Variants in TMC1 observed in about 807,000 individuals in gnomAD.
The protein encoded by TMC1 is transmembrane channel-like protein 1.
In TMC1, 84 loss-of-function variants were observed where a neutral mutation model predicts 105.8. The observed-to-expected ratio is 0.79, with a 90% CI of 0.67 to 0.95. The LOEUF (loss-of-function observed/expected upper bound fraction) is 0.95. TMC1 is among the 40% of genes least tolerant of loss of function. The probability of loss-of-function intolerance (pLI) is 0.00; values close to 1 mark genes in which losing one functional copy is unlikely to be tolerated. For synonymous variants in TMC1, 315 were observed against 311.5 expected (o/e 1.01, Z -0.12); for missense variants, 817 against 914.1 (o/e 0.89, Z 1.37).
chr9:72,599,883 A>G (rs1409635382), intron 2 of TMC1, among the ~76,000 whole-genome samples: 3 of 152,236 alleles, frequency 2.0e-5, no homozygotes, highest in African/African-American at 7.2e-5. Context: ...AAGTTAAGCA[A>G]AAGTCTTGCT....
At chr9:72,817,533 G>A (rs1454761451) in intron 19 of TMC1, among the ~76,000 whole-genome samples, 4 of 152,182 alleles carry the variant, frequency 2.6e-5, no homozygotes, top group African/African-American at 9.7e-5. Flanking sequence ...GGCTATGGGA[G>A]TAATGAGAAA....
At chr9:72,733,678 C>A (rs1386094340) in intron 8 of TMC1, among the ~76,000 whole-genome samples, 1 of 152,090 alleles carries the variant, frequency 6.6e-6, no homozygotes, top group Non-Finnish European at 1.5e-5. Flanking sequence ...TGTCTTCCAC[C>A]ACACATTTAA....
intron 10 of TMC1, among the ~76,000 whole-genome samples, chr9:72,745,279 C>T (rs1409618187): frequency 6.6e-6 from 1 of 152,064 alleles, no homozygotes; most frequent in African/African-American, 2.4e-5. Context: ...AATAACTGTC[C>T]CAGAATTAGT....
chr9:72,634,552 A>G (rs953586092), intron 4 of TMC1, among the ~76,000 whole-genome samples: 4 of 152,186 alleles, frequency 2.6e-5, no homozygotes, highest in Non-Finnish European at 5.9e-5. Flanking sequence ...GACTGTTATC[A>G]TCTTTGTTTT....
At chr9:72,631,878 G>A (rs574978983) in intron 4 of TMC1, among the ~76,000 whole-genome samples, 22 of 152,204 alleles carry the variant, frequency 1.4e-4, no homozygotes, top group Non-Finnish European at 2.8e-4. Context: ...GCTACTAAAA[G>A]AGGGCAAGCC....
At chr9:72,773,552 C>T (rs1827964077) in intron 13 of TMC1, among the ~76,000 whole-genome samples, 1 of 152,128 alleles carries the variant, frequency 6.6e-6, no homozygotes, top group Non-Finnish European at 1.5e-5. Flanking sequence ...AGATATTTAT[C>T]AACCTGCTAA....
chr9:72,742,843 G>A (rs545205304), intron 10 of TMC1, among the ~76,000 whole-genome samples: 5 of 152,248 alleles, frequency 3.3e-5, no homozygotes, highest in Non-Finnish European at 4.4e-5. Flanking sequence ...CATCTTACTT[G>A]GAAGGCAGAG....
chr9:72,624,362 G>C (rs1825308963), intron 3 of TMC1, among the ~76,000 whole-genome samples: 1 of 152,144 alleles, frequency 6.6e-6, no homozygotes, highest in South Asian at 2.1e-4. Flanking sequence ...TGTGAGATCT[G>C]CTTTGTGTTT....
intron 18 of TMC1, among the ~76,000 whole-genome samples, chr9:72,808,595 C>T (rs571132331): frequency 1.3e-5 from 2 of 152,326 alleles, no homozygotes; most frequent in South Asian, 2.1e-4. Flanking sequence ...GTGTGAGTCA[C>T]GTAGCAGGCA....
At chr9:72,606,082 T>G (rs527634741) in intron 2 of TMC1, among the ~76,000 whole-genome samples, 1 of 152,220 alleles carries the variant, frequency 6.6e-6, no homozygotes, top group African/African-American at 2.4e-5. Flanking sequence ...GGGGCACAAT[T>G]TAGCCCATAG....
chr9:72,740,887 G>T (rs1190456261), intron 9 of TMC1, among the ~76,000 whole-genome samples: 1 of 151,814 alleles, frequency 6.6e-6, no homozygotes, highest in African/African-American at 2.4e-5. Context: ...GATTAATTTT[G>T]TCTGTTTCTA....
chr9:72,773,216 T>C (rs1023885516), intron 13 of TMC1, among the ~76,000 whole-genome samples: 13 of 152,202 alleles, frequency 8.5e-5, no homozygotes, highest in African/African-American at 3.1e-4. Context: ...TATTTGGGTT[T>C]ATATATTAAA....
In TMC1 at chr9:72,789,307, A is replaced by G. The variant is rs969922326; in HGVS notation, c.1214A>G (p.Glu405Gly). 5 of 1,613,322 alleles carry G rather than the reference A, an allele frequency of 3.1e-6. No homozygotes were observed. The African/African-American group carries it at 4.0e-5, about 13-fold the overall frequency. ...QQDPDTLGWW[E>G]KNEMNMVMSL... ...GATCCTGACACCCTTGGGTGGTGGG[A>G]AAAAAATGAAGTTCGTCTCTGCATG... The change falls in exon 15 of 24, where the codon GAA (glutamate) becomes GGA (glycine). Residue 405 changes from glutamate to glycine, a missense_variant. Physicochemically the swap from Glu to Gly is moderately conservative, Grantham distance 98 (BLOSUM62 -2). Coordinates refer to ENST00000297784, the MANE Select transcript of TMC1 (RefSeq NM_138691.3).
chr9:72,690,211 A>G (rs1826441976), intron 6 of TMC1, among the ~76,000 whole-genome samples: 1 of 152,082 alleles, frequency 6.6e-6, no homozygotes, highest in Non-Finnish European at 1.5e-5. Context: ...TTTAACCTCA[A>G]TTGCATACTA....
At chr9:72,732,073 T>A (rs1588054652) in intron 8 of TMC1, among the ~76,000 whole-genome samples, 1 of 152,346 alleles carries the variant, frequency 6.6e-6, no homozygotes, top group East Asian at 1.9e-4. Context: ...ACAAAATTTA[T>A]TTTTATTACT....
At chr9:72,703,069 T>C (rs1206703011) in intron 8 of TMC1, among the ~76,000 whole-genome samples, 2 of 152,150 alleles carry the variant, frequency 1.3e-5, no homozygotes, top group Non-Finnish European at 1.5e-5. Context: ...ATTCACCATT[T>C]TAACCATGAA....
chr9:72,549,871 C>T lies in TMC1; in HGVS notation c.-428+27958C>T, dbSNP rs1056207036. On this transcript the variant is annotated intron_variant, in intron 1 of 23. Transcript: ENST00000297784. Reference sequence around the variant, plus strand: ...TCGTGATCCACCCACCTTGGCCTCCCGAAGTGCTGGGATTACAGATGTGAG... The same window carrying T: ...TCGTGATCCACCCACCTTGGCCTCCTGAAGTGCTGGGATTACAGATGTGAG... Among the ~76,000 whole-genome samples, 11 of 151,836 alleles carry T rather than the reference C, an allele frequency of 7.2e-5. 1 individual carries two copies. In the East Asian group the frequency reaches 7.9e-4, roughly 11 times the overall value.
intron 17 of TMC1, among the ~76,000 whole-genome samples, chr9:72,801,859 T>A (rs919474115): frequency 1.4e-4 from 21 of 152,220 alleles, no homozygotes; most frequent in Non-Finnish European, 2.8e-4. Flanking sequence ...ACATTTAAAA[T>A]TTTTAATACA....
chr9:72,792,528 A>G (rs1339710284), intron 17 of TMC1, among the ~76,000 whole-genome samples, 176 bp downstream of exon 17: 1 of 152,184 alleles, frequency 6.6e-6, no homozygotes. Context: ...ACTGTTTGCA[A>G]ATCTATCCCT....
Sources: gnomAD v4.1 joint callset for allele counts (sites outside exome capture counted in the v4.1 genomes callset) on GRCh38, gnomAD v4.1.1 for gene constraint, MANE v1.5 for transcripts, NCBI Gene and HGNC (gene_info 2026-07-23, HGNC 2026-07-21) for gene names.